The following CACNA2D4 variants were observed in gnomAD, a reference collection of about 807,000 sequenced individuals.
CACNA2D4 encodes the protein calcium voltage-gated channel auxiliary subunit alpha2delta 4, also known as voltage-dependent calcium channel subunit alpha-2/delta-4.
CACNA2D4 carries 157 observed loss-of-function variants against 163.8 expected under a neutral mutation model. That is an observed-to-expected ratio of 0.96 (90% CI 0.84 to 1.09). The LOEUF (loss-of-function observed/expected upper bound fraction) is 1.09, where lower values mean the gene tolerates loss of function less well. Ranked by LOEUF, CACNA2D4 falls within the 50% of genes least tolerant of loss-of-function variation. The pLI is 0.00. For missense variants in CACNA2D4, 1,410 were observed against 1,479.9 expected (o/e 0.95, Z 0.78); for synonymous variants, 598 against 586.9 (o/e 1.02, Z -0.27).
At chr12:1,810,009 G>A (rs1422882377) in intron 29 of CACNA2D4, among the ~76,000 whole-genome samples, 1 of 152,246 alleles carries the variant, frequency 6.6e-6, no homozygotes, top group Non-Finnish European at 1.5e-5. Context: ...GCTCCTACCA[G>A]GCACGGGAGG....
chr12:1,810,716 A>G (rs1173440699), intron 27 of CACNA2D4, 129 bp from the exon 28 acceptor site: 1 of 914,946 alleles, frequency 1.1e-6, no homozygotes, highest in Non-Finnish European at 1.7e-6. Context: ...GTGTATCTGC[A>G]CATGGAGGGC....
At chr12:1,856,363 C>G (rs1421976242) in intron 20 of CACNA2D4, 134 bp from the exon 21 acceptor site, 1 of 906,088 alleles carries the variant, frequency 1.1e-6, no homozygotes, top group African/African-American at 1.6e-5. Flanking sequence ...TCTTAGCTCA[C>G]AGTAGGAGAA....
chr12:1,809,703 A>C (rs927704554), intron 29 of CACNA2D4: 34 of 619,664 alleles, frequency 5.5e-5, no homozygotes, highest in Non-Finnish European at 9.2e-5. Flanking sequence ...CGGGGGGAGG[A>C]TTAGGATGTG....
At position 1,869,519 on chromosome 12, in the gene CACNA2D4, G is replaced by A. The variant is rs1425006257; in HGVS notation, c.1878+5085C>T. Reference sequence around the variant, plus strand: ...GGTAGAGTTGGTGAGTGACAGATGTGGGTTTCAGTTTGTTTTCACGGATTC... The same window carrying A: ...GGTAGAGTTGGTGAGTGACAGATGTAGGTTTCAGTTTGTTTTCACGGATTC... On this transcript the variant is annotated intron_variant, in intron 18 of 37. Coordinates refer to ENST00000382722, the MANE Select transcript of CACNA2D4 (RefSeq NM_172364.5). This position sits in a 1 kb window ranked among gnomAD's most constrained non-coding sequence, Gnocchi z 4.7. 2.0e-5 allele frequency among the ~76,000 whole-genome samples: 3 copies of A among 152,182 alleles called. No individual in the cohort carries two copies. Among genetic ancestry groups the A allele is most frequent in the African/African-American group, 7.2e-5 (3 of 41,440 alleles).
chr12:1,863,828 A>G (rs1865577951), intron 18 of CACNA2D4, among the ~76,000 whole-genome samples: 1 of 152,028 alleles, frequency 6.6e-6, no homozygotes, highest in Admixed American at 6.6e-5. Flanking sequence ...GATAATATCT[A>G]TCTAATATTG....
At chr12:1,863,272 G>A (rs1044831269) in intron 18 of CACNA2D4, among the ~76,000 whole-genome samples, 1 of 152,240 alleles carries the variant, frequency 6.6e-6, no homozygotes, top group Non-Finnish European at 1.5e-5. Context: ...TCTCTATTCA[G>A]GTCATTGACC....
At position 1,810,189 on chromosome 12, in the gene CACNA2D4, G is replaced by T. The variant is rs377465576; in HGVS notation, c.2721+89C>A. ...CCGAACAGGGTTCCCTCCTGGGGCC[G>T]TGGGGCTCTCTTTAGCTGGAGTGGC... On this transcript the variant is annotated intron_variant, in intron 29 of 37. Transcript: ENST00000382722. The T allele has an allele frequency of 4.2e-4, 463 of 1,115,406 alleles. 2 individuals are homozygous for T. The East Asian group carries it at 6.5e-3, about 16-fold the overall frequency. The allele number at this position is 1,115,406 out of a possible 1,614,324, so 69.1% of individuals were successfully genotyped here. A position where few individuals can be genotyped will look rare whatever the true frequency, so the allele number is the denominator to read the frequency against.
chr12:1,831,822 T>C (rs796839556), intron 26 of CACNA2D4, among the ~76,000 whole-genome samples: 2 of 134,902 alleles, frequency 1.5e-5, no homozygotes, highest in South Asian at 5.2e-4. Flanking sequence ...CTCACTGAAC[T>C]GGATCTCCCT....
At position 1,869,777 on chromosome 12, in the gene CACNA2D4, T is replaced by C. The variant is rs752926693; in HGVS notation, c.1878+4827A>G. On this transcript the variant is annotated intron_variant, in intron 18 of 37. Transcript: ENST00000382722. The surrounding 1 kb of genome is among the most constrained non-coding windows in gnomAD (Gnocchi z 4.7). ...GGGGCTCTGTTCTTTGACCAAGCCC[T>C]AACCATTTCTCCGCTGAGATTCTCC... Among the ~76,000 whole-genome samples, 1 of 152,196 alleles carries C rather than the reference T, an allele frequency of 6.6e-6. No individual in the cohort carries two copies. The highest frequency in any genetic ancestry group is 1.5e-5 in the Non-Finnish European group (1 of 68,036).
chr12:1,810,340 C>T lies in CACNA2D4; in HGVS notation c.2659G>A (p.Asp887Asn), dbSNP rs745480640. The T allele has an allele frequency of 6.2e-7, 1 of 1,613,780 alleles. No individual in the cohort carries two copies. The highest frequency in any genetic ancestry group is 1.1e-5 in the South Asian group (1 of 90,974). The change falls in exon 29 of 38, where the codon GAT (aspartate) becomes AAT (asparagine). Residue 887 changes from aspartate (D) to asparagine (N), a missense_variant and splice_region_variant. By Grantham distance (23) the Asp-to-Asn change is conservative. Transcript: ENST00000382722. Reference sequence around the variant, plus strand: ...TTGTCGATGACGAAGCAGTCCAGATCCTGGGAGGAAACCCAGAAGGGAGGT... The same window carrying T: ...TTGTCGATGACGAAGCAGTCCAGATTCTGGGAGGAAACCCAGAAGGGAGGT... The part of the protein sequence containing the change: ...GPCTQSCEDS[D>N]LDCFVIDNNG...
At chr12:1,827,901 C>T (rs1368587554) in intron 26 of CACNA2D4, 1 of 404,894 alleles carries the variant, frequency 2.5e-6, no homozygotes, top group Non-Finnish European at 4.3e-6. Flanking sequence ...CCGCCCCCAT[C>T]CCAGGGGCTT....
In CACNA2D4 at chr12:1,843,069, G is replaced by A. The variant is rs1291525243; in HGVS notation, c.2470+1333C>T. 1.3e-5 allele frequency among the ~76,000 whole-genome samples: 2 copies of A among 152,140 alleles called. No homozygotes were observed. The highest frequency in any genetic ancestry group is 2.4e-5 in the African/African-American group (1 of 41,432). ...CTTGTGTAAGTTGAGGGATAATGACGGCACTTATCTCATGGGGTTGTCTAG... is the reference window on the plus strand; with the variant it reads ...CTTGTGTAAGTTGAGGGATAATGACAGCACTTATCTCATGGGGTTGTCTAG... On this transcript the variant is annotated intron_variant, in intron 25 of 37. Coordinates refer to ENST00000382722, the MANE Select transcript of CACNA2D4 (RefSeq NM_172364.5). The surrounding 1 kb of genome is among the most constrained non-coding windows in gnomAD (Gnocchi z 4.6).
chr12:1,896,870 T>C (rs914334126), intron 6 of CACNA2D4, among the ~76,000 whole-genome samples: 1 of 152,142 alleles, frequency 6.6e-6, no homozygotes, highest in African/African-American at 2.4e-5. Context: ...ACAGCACTAT[T>C]CACAATAGCA....
rs978184450 is a variant in CACNA2D4 at position 1,811,686 on chromosome 12, G to T, written c.2589C>A (p.Arg863=). The part of the protein sequence containing the change: ...GVQMKLEFLQ[R]KFWAATRQCS... ...CCTGCCGCGTTGCCGCCCAGAATTT[G>T]CGCTGGAGGAATTCCAGCTTCATTT... is the stretch of plus-strand genomic sequence containing the variant. Residue 863 remains arginine, a synonymous_variant, in exon 27 of 38, where the codon CGC becomes CGA. Coordinates refer to ENST00000382722, the MANE Select transcript of CACNA2D4 (RefSeq NM_172364.5). 8 of 1,560,428 alleles carry T rather than the reference G, an allele frequency of 5.1e-6. No individual in the cohort carries two copies. The highest frequency in any genetic ancestry group is 6.9e-6 in the Non-Finnish European group (8 of 1,151,826).
intron 1 of CACNA2D4, among the ~76,000 whole-genome samples, chr12:1,915,732 C>A (rs1173794698): frequency 6.6e-6 from 1 of 152,260 alleles, no homozygotes; most frequent in South Asian, 2.1e-4. Context: ...AAATGCACCA[C>A]AATCCCACCA....
chr12:1,879,059 T>C (rs1438121310), intron 14 of CACNA2D4, 23 bp from the exon 15 acceptor site: 2 of 1,602,644 alleles, frequency 1.2e-6, no homozygotes, highest in Admixed American at 1.7e-5. Context: ...ACACAAGGGG[T>C]GGGGGAGACC....
In CACNA2D4 at chr12:1,844,274, G is replaced by A; in HGVS notation, c.2470+128C>T. 8.7e-7 allele frequency: 1 copy of A among 1,150,498 alleles called. No homozygotes were observed. The highest frequency in any genetic ancestry group is 1.2e-6 in the Non-Finnish European group (1 of 826,574). The allele number at this position is 1,150,498 out of a possible 1,614,324, so 71.3% of individuals were successfully genotyped here. A position where few individuals can be genotyped will look rare whatever the true frequency, so the allele number is the denominator to read the frequency against. On this transcript the variant is annotated intron_variant, in intron 25 of 37. Transcript: ENST00000382722. This position sits in a 1 kb window ranked among gnomAD's most constrained non-coding sequence, Gnocchi z 4.2. ...ATGCATGCAGGAGGGAAGGCAGGAG[G>A]GGAACCCTGGTGGTCTGGACATTCT...
intron 6 of CACNA2D4, among the ~76,000 whole-genome samples, chr12:1,901,160 G>A (rs2154451135): frequency 6.6e-6 from 1 of 152,156 alleles, no homozygotes; most frequent in Admixed American, 6.5e-5. Context: ...AAATGATAAT[G>A]GAAACACAAC....
In CACNA2D4 at chr12:1,844,305, A is replaced by G. The variant is rs1865094088; in HGVS notation, c.2470+97T>C. 2.1e-6 allele frequency: 3 copies of G among 1,415,384 alleles called. No homozygotes were observed. Among genetic ancestry groups the G allele is most frequent in the African/African-American group, 1.4e-5 (1 of 70,930 alleles). The allele number at this position is 1,415,384 out of a possible 1,614,324, so 87.7% of individuals were successfully genotyped here. On this transcript the variant is annotated intron_variant, in intron 25 of 37. Transcript: ENST00000382722. This position sits in a 1 kb window ranked among gnomAD's most constrained non-coding sequence, Gnocchi z 4.2. ...CCTGGTGGTCTGGACATTCTATTCC[A>G]TATCTCGTTCCCATTTCCCACTAAG...
Sources: gnomAD v4.1 joint callset for allele counts (sites outside exome capture counted in the v4.1 genomes callset) on GRCh38, gnomAD v4.1.1 for gene constraint, Gnocchi (gnomAD v3.1) non-coding constraint, MANE v1.5 for transcripts, NCBI Gene and HGNC (gene_info 2026-07-23, HGNC 2026-07-21) for gene names.